IQCH: variants seen among roughly 807,000 people sequenced by gnomAD.
IQCH encodes the protein IQ domain-containing protein H.
In IQCH, 98 loss-of-function variants were observed where a neutral mutation model predicts 117.0. That is an observed-to-expected ratio of 0.84 (90% CI 0.71 to 0.99). The LOEUF is 0.99. IQCH is among the 50% of genes least tolerant of loss of function. IQCH has a pLI of 0.00. For synonymous variants in IQCH, 412 were observed against 448.2 expected (o/e 0.92, Z 1.02); for missense variants, 1,102 against 1,243.8 (o/e 0.89, Z 1.72).
Position 67,279,475 on chromosome 15 carries a change from A to G in IQCH, c.350A>G (p.Gln117Arg). Reference sequence around the variant, plus strand: ...GGTACATTTTGGCAACCCCAAAGACAGCACAGTTCATCTCTGCCTGTCTTT... The same window carrying G: ...GGTACATTTTGGCAACCCCAAAGACGGCACAGTTCATCTCTGCCTGTCTTT... ...SEGTFWQPQR[Q>R]HSSSLPVFPR... Residue 117 changes from glutamine to arginine, a missense_variant, in exon 4 of 21, where the codon CAG (glutamine) becomes CGG (arginine). By Grantham distance (43) the Gln-to-Arg change is conservative (BLOSUM62 1). Transcript: ENST00000335894. The G allele has an allele frequency of 6.2e-7, 1 of 1,607,830 alleles. No homozygotes were observed. The highest frequency in any genetic ancestry group is 8.5e-7 in the Non-Finnish European group (1 of 1,175,820).
rs139758922 is a variant in IQCH at position 67,351,547 on chromosome 15, G to A, written c.638-5798G>A. Among the ~76,000 whole-genome samples, 33 of 152,240 alleles carry A rather than the reference G, an allele frequency of 2.2e-4. 1 individual carries two copies. The South Asian group carries it at 6.4e-3, about 30-fold the overall frequency. On this transcript the variant is annotated intron_variant, in intron 6 of 20. Transcript: ENST00000335894. ...ATATGAGTGGAAATGTTGGTCATGG[G>A]GTAGGCGAACATTCAACTTTAGAAA...
At chr15:67,480,651 G>A (rs2083316431) in intron 18 of IQCH, among the ~76,000 whole-genome samples, 1 of 152,184 alleles carries the variant, frequency 6.6e-6, no homozygotes, top group Non-Finnish European at 1.5e-5. Context: ...TGGCTTGGTA[G>A]TCAGGCAATG....
At chr15:67,354,350 T>C (rs1969796140) in intron 6 of IQCH, among the ~76,000 whole-genome samples, 1 of 152,208 alleles carries the variant, frequency 6.6e-6, no homozygotes, top group Admixed American at 6.5e-5. Context: ...CCTCATGGTC[T>C]CAATATATAC....
chr15:67,337,597 C>G (rs1968952774), intron 5 of IQCH, among the ~76,000 whole-genome samples: 1 of 152,148 alleles, frequency 6.6e-6, no homozygotes, highest in Non-Finnish European at 1.5e-5. Context: ...ATCTCAGTAT[C>G]TCTAGCACCT....
In IQCH at chr15:67,261,337, G is replaced by T; in HGVS notation, c.117G>T (p.Glu39Asp). The change falls in exon 2 of 21, where the codon GAG (glutamate) becomes GAT (aspartate). Residue 39 changes from glutamate to aspartate, a missense_variant. By Grantham distance (45) the Glu-to-Asp change is conservative (BLOSUM62 2). Around this residue, in one of 2 missense-constraint regions of IQCH, gnomAD observed 452 missense variants for 449.6 expected, o/e 1.01. Transcript: ENST00000335894. Reference sequence around the variant, plus strand: ...AATTCTCACCTGAGGAAAAAGGAGAGACTCTAGACATTCAGAGTCTTGAAA... The same window carrying T: ...AATTCTCACCTGAGGAAAAAGGAGATACTCTAGACATTCAGAGTCTTGAAA... ...LTKFSPEEKG[E>D]TLDIQSLETA... The T allele has an allele frequency of 1.3e-6, 2 of 1,593,366 alleles. No homozygotes were observed. The highest frequency in any genetic ancestry group is 2.3e-5 in the South Asian group (2 of 87,016).
Position 67,498,636 on chromosome 15 carries a change from A to T in IQCH, c.2971-1997A>T, listed in dbSNP as rs1349694969. On this transcript the variant is annotated intron_variant, in intron 20 of 20. Coordinates refer to ENST00000335894, the MANE Select transcript of IQCH (RefSeq NM_001031715.3). ...GTCTCAAAAAAAAAAAAATAAGTTA[A>T]AATGGATCAAATATTTAAATGTAAG... is the stretch of plus-strand genomic sequence containing the variant. Among the ~76,000 whole-genome samples, 4 of 151,962 alleles carry T rather than the reference A, an allele frequency of 2.6e-5. No homozygotes were observed. The East Asian group carries it at 7.7e-4, about 29-fold the overall frequency.
intron 14 of IQCH, among the ~76,000 whole-genome samples, chr15:67,415,238 G>A (rs115305125): frequency 3.9e-5 from 6 of 152,112 alleles, no homozygotes; most frequent in Non-Finnish European, 7.4e-5. Flanking sequence ...TGTGCACAGC[G>A]TATAGGATAT....
intron 6 of IQCH, among the ~76,000 whole-genome samples, chr15:67,353,832 A>C (rs570808766): frequency 6.6e-6 from 1 of 152,322 alleles, no homozygotes; most frequent in South Asian, 2.1e-4. Flanking sequence ...AATATATTTT[A>C]AAATATGAAA....
intron 14 of IQCH, among the ~76,000 whole-genome samples, chr15:67,402,012 C>T (rs975667135): frequency 2.0e-5 from 3 of 152,030 alleles, no homozygotes; most frequent in African/African-American, 7.2e-5. Context: ...AAAGAATTCT[C>T]TTGACATTAC....
At chr15:67,264,504 G>A (rs1218353662) in intron 3 of IQCH, among the ~76,000 whole-genome samples, 1 of 152,152 alleles carries the variant, frequency 6.6e-6, no homozygotes, top group Non-Finnish European at 1.5e-5. Flanking sequence ...ATAGTTACTG[G>A]CAGGCCTTTG....
In IQCH at chr15:67,481,062, C is replaced by A. The variant is rs2083326639; in HGVS notation, c.2799+5244C>A. ...TTGAAGAGGCATTTATTTACACAAC[C>A]AAAGCCAATTAAAACTCAGCCTTGC... On this transcript the variant is annotated intron_variant, in intron 18 of 20. Coordinates refer to ENST00000335894, the MANE Select transcript of IQCH (RefSeq NM_001031715.3). This position sits in a 1 kb window ranked among gnomAD's most constrained non-coding sequence, Gnocchi z 4.1. 1.3e-5 allele frequency among the ~76,000 whole-genome samples: 2 copies of A among 152,074 alleles called. No homozygotes were observed. Among genetic ancestry groups the A allele is most frequent in the South Asian group, 4.1e-4 (2 of 4,820 alleles).
rs780884348 is a variant in IQCH at position 67,490,822 on chromosome 15, T to A, written c.2861+758T>A. Among the ~76,000 whole-genome samples, 1 of 152,242 alleles carries A rather than the reference T, an allele frequency of 6.6e-6. No individual in the cohort carries two copies. Among genetic ancestry groups the A allele is most frequent in the Non-Finnish European group, 1.5e-5 (1 of 68,040 alleles). On this transcript the variant is annotated intron_variant, in intron 19 of 20. Transcript: ENST00000335894. The surrounding 1 kb of genome is among the most constrained non-coding windows in gnomAD (Gnocchi z 4.9). ...GGGCGCAGTCTTCTCAAGGTACGCATGCACTGAGCACAGGCTGCTGGCAAC... is the reference window on the plus strand; with the variant it reads ...GGGCGCAGTCTTCTCAAGGTACGCAAGCACTGAGCACAGGCTGCTGGCAAC...
intron 14 of IQCH, among the ~76,000 whole-genome samples, chr15:67,410,403 G>A (rs1430314006): frequency 6.6e-6 from 1 of 152,194 alleles, no homozygotes; most frequent in Non-Finnish European, 1.5e-5. Context: ...TCCATTCTAA[G>A]GCTGGCCATC....
intron 5 of IQCH, among the ~76,000 whole-genome samples, chr15:67,338,325 A>G (rs886646391): frequency 6.6e-6 from 1 of 152,168 alleles, no homozygotes; most frequent in African/African-American, 2.4e-5. Flanking sequence ...TGGCAACTTC[A>G]TCCAGAAAAA....
chr15:67,363,955 A>G (rs578248373), intron 8 of IQCH, among the ~76,000 whole-genome samples: 4 of 152,178 alleles, frequency 2.6e-5, no homozygotes, highest in East Asian at 1.9e-4. Context: ...CCAGTCTACT[A>G]TTGATGGTAA....
chr15:67,375,790 TTTTTTTTTTTTTTTGAGACA>T (rs1970715757), intron 10 of IQCH, among the ~76,000 whole-genome samples: 1 of 146,742 alleles, frequency 6.8e-6, no homozygotes, highest in Non-Finnish European at 1.5e-5. Flanking sequence ...GGATTTTTTT[TTTTTTTTTTTTTTTGAGACA>T]GAGTCTCACT....
chr15:67,446,215 G>C (rs187067529), intron 16 of IQCH, among the ~76,000 whole-genome samples: 104 of 152,256 alleles, frequency 6.8e-4, no homozygotes, highest in African/African-American at 2.5e-3. Context: ...ACTTGTTAAA[G>C]AAAGAAATTT....
chr15:67,280,399 A>G (rs753607615), intron 4 of IQCH, among the ~76,000 whole-genome samples: 4 of 152,238 alleles, frequency 2.6e-5, no homozygotes, highest in Non-Finnish European at 2.9e-5. Context: ...CTTAAACAAC[A>G]GAATTCTATT....
Position 67,496,257 on chromosome 15 carries a change from C to T in IQCH, c.2970+1891C>T, listed in dbSNP as rs185215603. Among the ~76,000 whole-genome samples, 91 of 152,100 alleles carry T rather than the reference C, an allele frequency of 6.0e-4. 6 individuals are homozygous for T. The East Asian group carries it at 6.6e-3, about 11-fold the overall frequency. ...ATTTGAGCCTGGGAGGTTGAGGCTG[C>T]AGTGAGTCTGGGTGATGGGAGTAAG... is the stretch of plus-strand genomic sequence containing the variant. On this transcript the variant is annotated intron_variant, in intron 20 of 20. Transcript: ENST00000335894. The surrounding 1 kb of genome is among the most constrained non-coding windows in gnomAD (Gnocchi z 4.4).
Sources: gnomAD v4.1 joint callset for allele counts (sites outside exome capture counted in the v4.1 genomes callset) on GRCh38, gnomAD v4.1.1 for gene constraint, gnomAD v4.1.1 regional missense constraint, Gnocchi (gnomAD v3.1) non-coding constraint, MANE v1.5 for transcripts, NCBI Gene and HGNC (gene_info 2026-07-23, HGNC 2026-07-21) for gene names.